COL22A1: variants seen among roughly 807,000 people sequenced by gnomAD.
COL22A1 encodes the protein collagen type XXII alpha 1 chain, also known as collagen alpha-1(XXII) chain.
Under a neutral mutation model 248.9 loss-of-function variants are expected in COL22A1, and 221 were observed. The observed-to-expected ratio is 0.89, with a 90% CI of 0.80 to 0.99. The LOEUF (loss-of-function observed/expected upper bound fraction) is 0.99. Ranked by LOEUF, COL22A1 falls within the 50% of genes least tolerant of loss-of-function variation. The pLI, the probability that COL22A1 is intolerant of heterozygous loss-of-function variation, is 0.00. For missense variants in COL22A1, 2,240 were observed against 2,179.0 expected (o/e 1.03, Z -0.56); for synonymous variants, 891 against 793.4 (o/e 1.12, Z -2.07).
At chr8:138,694,626 G>T in intron 33 of COL22A1, 65 bp from the exon 34 acceptor site, 1 of 1,554,066 alleles carries the variant, frequency 6.4e-7, no homozygotes, top group Non-Finnish European at 8.8e-7. Context: ...GGGCGGATGG[G>T]GCGGGGACGT....
intron 4 of COL22A1, among the ~76,000 whole-genome samples, chr8:138,834,963 G>T (rs1167070273): frequency 6.6e-6 from 1 of 152,190 alleles, no homozygotes; most frequent in Non-Finnish European, 1.5e-5. Context: ...CACAGTGCAA[G>T]TGTGCAATAC....
chr8:138,863,131 C>T (rs4736268), intron 3 of COL22A1, among the ~76,000 whole-genome samples: 103,555 of 152,078 alleles, frequency 0.68, 37,615 homozygotes, highest in East Asian at 0.97. Context: ...CTAGCCCAGA[C>T]TTTTACTATT....
At chr8:138,784,952 C>T (rs1423236199) in intron 12 of COL22A1, among the ~76,000 whole-genome samples, 1 of 152,200 alleles carries the variant, frequency 6.6e-6, no homozygotes, top group Non-Finnish European at 1.5e-5. Flanking sequence ...TGTCCGAACT[C>T]ACATCAGTTC....
At chr8:138,678,577 T>TA (rs5895549) in intron 40 of COL22A1, among the ~76,000 whole-genome samples, 102,938 of 149,844 alleles carry the variant, frequency 0.69, 37,318 homozygotes, top group East Asian at 0.81. Flanking sequence ...ATAGAGGGAG[T>TA]AAAAAAAAAA....
intron 3 of COL22A1, among the ~76,000 whole-genome samples, 173 bp downstream of exon 3, chr8:138,877,577 T>C (rs754544556): frequency 6.6e-6 from 1 of 152,104 alleles, no homozygotes; most frequent in Non-Finnish European, 1.5e-5. Flanking sequence ...TGCTACTAGG[T>C]TCCCTGTGTG....
At position 138,589,083 on chromosome 8, in the gene COL22A1, G is replaced by A; in HGVS notation, c.*170C>T. On this transcript the variant is annotated 3_prime_UTR_variant, in exon 65 of 65. Transcript: ENST00000303045. ...TCTGACCGACCGGCAGCGTCTGTTG[G>A]ATTTAATAATTTTGAGGTCTCTCAA... 1.6e-6 allele frequency: 1 copy of A among 624,928 alleles called. No individual in the cohort carries two copies. Among genetic ancestry groups the A allele is most frequent in the Non-Finnish European group, 2.8e-6 (1 of 355,396 alleles). 38.7% of individuals were successfully genotyped at this position (624,928 alleles called of 1,614,324 possible). A position where few individuals can be genotyped will look rare whatever the true frequency, so the allele number is the denominator to read the frequency against.
intron 32 of COL22A1, among the ~76,000 whole-genome samples, 155 bp from the exon 33 acceptor site, chr8:138,695,034 G>A (rs1268078166): frequency 6.6e-6 from 1 of 152,134 alleles, no homozygotes; most frequent in Non-Finnish European, 1.5e-5. Context: ...CTGCCTGGGG[G>A]TTCTTCCCTC....
At chr8:138,623,873 C>A in intron 51 of COL22A1, 88 bp from the exon 52 acceptor site, 1 of 1,127,196 alleles carries the variant, frequency 8.9e-7, no homozygotes, top group Non-Finnish European at 1.3e-6. Flanking sequence ...TCTTCCTGCC[C>A]AGCTTCCAGC....
intron 41 of COL22A1, among the ~76,000 whole-genome samples, chr8:138,675,789 G>A (rs1825460027): frequency 6.6e-6 from 1 of 152,144 alleles, no homozygotes; most frequent in Non-Finnish European, 1.5e-5. Flanking sequence ...GGTACAAAAG[G>A]GAGAATTAAA....
At chr8:138,589,530 A>T in intron 64 of COL22A1, 90 bp from the exon 65 acceptor site, 1 of 1,095,554 alleles carries the variant, frequency 9.1e-7, no homozygotes, top group South Asian at 1.8e-5. Context: ...TTCACTATGA[A>T]CTCAGGACCT....
intron 41 of COL22A1, among the ~76,000 whole-genome samples, chr8:138,664,284 G>A (rs1215775316): frequency 6.8e-6 from 1 of 147,910 alleles, no homozygotes; most frequent in Non-Finnish European, 1.5e-5. Context: ...CATGGGTCTG[G>A]CATCCTCCAC....
rs200854499 is a variant in COL22A1 at position 138,910,641 on chromosome 8, G to GA, written c.-73+2977dup. ...TGAATTCTTGAATAGGGGATTGGCT[G>GA]AAAAAAAAAATCCTCAGGGAACTTT... On this transcript the variant is annotated intron_variant, in intron 1 of 64. Transcript: ENST00000303045. Among the ~76,000 whole-genome samples the GA allele has an allele frequency of 2.1e-3, 307 of 149,332 alleles. 2 individuals carry two copies. Among genetic ancestry groups the GA allele is most frequent in the East Asian group, 7.3e-3 (37 of 5,090 alleles).
intron 12 of COL22A1, among the ~76,000 whole-genome samples, chr8:138,782,319 G>A (rs1281407005): frequency 2.0e-5 from 3 of 152,206 alleles, no homozygotes; most frequent in Admixed American, 2.0e-4. Context: ...CTCGGCTCAA[G>A]CAATCCTCCC....
intron 52 of COL22A1, among the ~76,000 whole-genome samples, chr8:138,621,907 G>A (rs1296764148): frequency 1.3e-5 from 2 of 152,200 alleles, no homozygotes; most frequent in African/African-American, 2.4e-5. Flanking sequence ...TCTGCTGGGT[G>A]TCAGTCCACA....
chr8:138,768,938 A>G (rs1834133695), intron 16 of COL22A1, among the ~76,000 whole-genome samples: 1 of 151,986 alleles, frequency 6.6e-6, no homozygotes, highest in African/African-American at 2.4e-5. Context: ...CTCCATCTCA[A>G]GAAAAAAAAA....
At chr8:138,593,319 G>T (rs774803657) in intron 63 of COL22A1, among the ~76,000 whole-genome samples, 4 of 151,922 alleles carry the variant, frequency 2.6e-5, no homozygotes, top group Non-Finnish European at 4.4e-5. Context: ...AACCACCATG[G>T]CACATATATA....
intron 35 of COL22A1, among the ~76,000 whole-genome samples, chr8:138,692,149 GGTATGT>G (rs1827056187): frequency 4.5e-4 from 1 of 2,242 alleles, no homozygotes; most frequent in Non-Finnish European, 9.6e-4. Flanking sequence ...TGTTTGTGGT[GGTATGT>G]GTATGTGTGG....
rs1198153445 is a variant in COL22A1 at position 138,863,415 on chromosome 8, G to A, written c.658+14335C>T. The stretch of plus-strand genomic sequence containing the variant: ...CGCTGTCAACTGTACATGACGCAGT[G>A]AGGAGGGCGATGAGCTGACTTCCAG... On this transcript the variant is annotated intron_variant, in intron 3 of 64. Coordinates refer to ENST00000303045, the MANE Select transcript of COL22A1 (RefSeq NM_152888.3). 2.0e-5 allele frequency among the ~76,000 whole-genome samples: 3 copies of A among 152,174 alleles called. No individual in the cohort carries two copies. The East Asian group carries it at 5.8e-4, about 29-fold the overall frequency.
At chr8:138,872,964 G>A (rs762361840) in intron 3 of COL22A1, among the ~76,000 whole-genome samples, 21 of 152,070 alleles carry the variant, frequency 1.4e-4, no homozygotes, top group Admixed American at 3.3e-4. Flanking sequence ...TTCCAAGTTC[G>A]TTTCAGTCAT....
Sources: allele counts gnomAD v4.1 joint callset (sites outside exome capture counted in the v4.1 genomes callset), GRCh38; gene constraint gnomAD v4.1.1; transcripts MANE v1.5; gene names NCBI Gene and HGNC (gene_info 2026-07-23, HGNC 2026-07-21).